Variants in CCNT2 observed in about 807,000 individuals in gnomAD.
The protein encoded by CCNT2 is cyclin T2, also known as cyclin-T2.
CCNT2 carries 18 observed loss-of-function variants against 70.0 expected under a neutral mutation model. That is an observed-to-expected ratio of 0.26 (90% CI 0.18 to 0.38). The LOEUF is 0.38. Ranked by LOEUF, CCNT2 falls within the 10% of genes least tolerant of loss-of-function variation. CCNT2 has a pLI of 1.00. For synonymous variants in CCNT2, 334 were observed against 313.3 expected (o/e 1.07, Z -0.70); for missense variants, 734 against 890.2 (o/e 0.82, Z 2.23).
chr2:134,931,274 T>TTTTTTTTTTTTTTTTTG (rs1680747808), intron 2 of CCNT2, among the ~76,000 whole-genome samples: 1 of 141,010 alleles, frequency 7.1e-6, no homozygotes, highest in Non-Finnish European at 1.5e-5. Context: ...TTTTTTTTTT[T>TTTTTTTTTTTTTTTTTG]TTTTTTTTTT....
At chr2:134,943,426 G>A (rs1159132473) in intron 5 of CCNT2, 2 of 984,920 alleles carry the variant, frequency 2.0e-6, no homozygotes, top group Non-Finnish European at 2.4e-6. Flanking sequence ...TTTTTGTGGG[G>A]GGAGTGTTTT....
intron 2 of CCNT2, among the ~76,000 whole-genome samples, chr2:134,925,507 T>C (rs966241260): frequency 3.9e-5 from 6 of 152,240 alleles, no homozygotes; most frequent in Admixed American, 3.9e-4. Flanking sequence ...ATTTCATTAA[T>C]GGAATCCTAC....
At position 134,954,378 on chromosome 2, in the gene CCNT2, A is replaced by C. The variant is rs1682775434; in HGVS notation, c.1923A>C (p.Ser641=). 1 of 1,614,212 alleles carries C rather than the reference A, an allele frequency of 6.2e-7. No homozygotes were observed. The highest frequency in any genetic ancestry group is 8.5e-7 in the Non-Finnish European group (1 of 1,180,024). The change falls in exon 9 of 9, where the codon TCA becomes TCC. Residue 641 remains serine (S), a synonymous_variant. Transcript: ENST00000264157. ...AAATGAGCAAAAGTTCCAAAAGTTC[A>C]GGTAGTTCATCTAGTTCTTCCTCCT... is the stretch of plus-strand genomic sequence containing the variant. ...HSKMSKSSKS[S]GSSSSSSSSV... is the part of the protein sequence containing the mutation.
intron 2 of CCNT2, among the ~76,000 whole-genome samples, chr2:134,926,809 G>C (rs1680333413): frequency 6.6e-6 from 1 of 152,158 alleles, no homozygotes; most frequent in Admixed American, 6.5e-5. Flanking sequence ...GCTATCCATG[G>C]GGTTTTGGTT....
At position 134,956,316 on chromosome 2, in the gene CCNT2, C is replaced by G. The variant is rs1006285341; in HGVS notation, c.*1668C>G. 1 of 152,492 alleles carries G rather than the reference C, an allele frequency of 6.6e-6. No homozygotes were observed. The highest frequency in any genetic ancestry group is 2.4e-5 in the African/African-American group (1 of 41,408). The allele number at this position is 152,492 out of a possible 1,614,324, so 9.4% of individuals were successfully genotyped here. ...TTTATAATTTTTAAAGATAATTGTT[C>G]ATTATTTTGTCAATGTTATTTGAAC... On this transcript the variant is annotated 3_prime_UTR_variant, in exon 9 of 9. Coordinates refer to ENST00000264157, the MANE Select transcript of CCNT2 (RefSeq NM_058241.3).
intron 8 of CCNT2, 77 bp from the exon 9 acceptor site, chr2:134,953,153 A>G: frequency 2.0e-6 from 2 of 990,356 alleles, no homozygotes; most frequent in East Asian, 2.6e-5. Flanking sequence ...TTTTTAATAT[A>G]TAACTTTTAT....
chr2:134,945,489 T>G, intron 5 of CCNT2: 1 of 985,444 alleles, frequency 1.0e-6, no homozygotes, highest in Non-Finnish European at 1.2e-6. Flanking sequence ...GTATCTTTCC[T>G]AAGTTAGTCT....
chr2:134,919,240 T>C (rs1679657007), intron 1 of CCNT2, among the ~76,000 whole-genome samples: 1 of 152,008 alleles, frequency 6.6e-6, no homozygotes, highest in Admixed American at 6.5e-5. Context: ...GTAATCTGTT[T>C]GGGGCAGCGC....
chr2:134,939,147 T>C (rs971241684), intron 4 of CCNT2, 85 bp downstream of exon 4: 4 of 965,968 alleles, frequency 4.1e-6, no homozygotes. Context: ...GAAATAATTG[T>C]ATTATTGAAG....
chr2:134,919,532 ATT>A, intron 1 of CCNT2, among the ~76,000 whole-genome samples: 1 of 152,006 alleles, frequency 6.6e-6, no homozygotes, highest in South Asian at 2.1e-4. Context: ...CAACTGTTTC[ATT>A]TTGAGTTTAG....
intron 3 of CCNT2, among the ~76,000 whole-genome samples, chr2:134,938,361 T>C (rs1468511269): frequency 6.6e-6 from 1 of 152,216 alleles, no homozygotes; most frequent in Non-Finnish European, 1.5e-5. Flanking sequence ...CTTTGGTCAA[T>C]TGTCATGATT....
At position 134,936,626 on chromosome 2, in the gene CCNT2, G is replaced by T. The variant is rs543556964; in HGVS notation, c.241-215G>T. On this transcript the variant is annotated intron_variant, in intron 2 of 8. Transcript: ENST00000264157. Reference sequence around the variant, plus strand: ...AAAATTAGCCAGTGTGGTGGTGCATGCCTGTAATCCCACCTTCTCAGGGAG... The same window carrying T: ...AAAATTAGCCAGTGTGGTGGTGCATTCCTGTAATCCCACCTTCTCAGGGAG... Among the ~76,000 whole-genome samples the T allele has an allele frequency of 6.6e-5, 10 of 152,058 alleles. No homozygotes were observed. The South Asian group carries it at 2.1e-3, about 32-fold the overall frequency.
intron 2 of CCNT2, among the ~76,000 whole-genome samples, chr2:134,921,870 G>A (rs1247986852): frequency 6.6e-6 from 1 of 152,102 alleles, no homozygotes; most frequent in Admixed American, 6.5e-5. Context: ...GTGTATGAAG[G>A]TAAACTTCAG....
At chr2:134,931,720 C>G (rs1298099502) in intron 2 of CCNT2, among the ~76,000 whole-genome samples, 1 of 152,080 alleles carries the variant, frequency 6.6e-6, no homozygotes, top group Non-Finnish European at 1.5e-5. Context: ...TATTTGAATT[C>G]CTGTGCAATG....
intron 5 of CCNT2, chr2:134,942,990 C>T: frequency 1.0e-6 from 1 of 985,266 alleles, no homozygotes; most frequent in Non-Finnish European, 1.2e-6. Flanking sequence ...GCCAATAGTG[C>T]ATAGGTTCAG....
chr2:134,949,166 G>A (rs769890526), intron 7 of CCNT2, among the ~76,000 whole-genome samples: 20 of 152,230 alleles, frequency 1.3e-4, no homozygotes, highest in Non-Finnish European at 1.9e-4. Flanking sequence ...GACCATAGGC[G>A]CATGCCACCA....
intron 4 of CCNT2, among the ~76,000 whole-genome samples, chr2:134,939,864 T>G (rs41410746): frequency 0.013 from 1,972 of 152,336 alleles, 39 homozygotes; most frequent in African/African-American, 0.044. Flanking sequence ...ACTGTCACCA[T>G]TCACCTTACT....
At position 134,942,673 on chromosome 2, in the gene CCNT2, A is replaced by T. The variant is rs1681661895; in HGVS notation, c.492A>T (p.Arg164Ser). 1.2e-6 allele frequency: 2 copies of T among 1,606,968 alleles called. No homozygotes were observed. Among genetic ancestry groups the T allele is most frequent in the East Asian group, 2.2e-5 (1 of 44,798 alleles). The stretch of plus-strand genomic sequence containing the variant: ...TGGTGAAATGTACCCAGTTAGTAAG[A>T]GGTAGGTGATCCTTGAAACTTTTAA... ...TDVVKCTQLV[R>S]ASKDLAQTSY... Residue 164 changes from arginine to serine, a missense_variant and splice_region_variant, in exon 5 of 9, where the codon AGA becomes AGT. Physicochemically the swap from Arg to Ser is moderately radical, Grantham distance 110. This residue lies in a region of CCNT2 where 161 missense variants were observed against 303.8 expected (regional missense o/e 0.53). Coordinates refer to ENST00000264157, the MANE Select transcript of CCNT2 (RefSeq NM_058241.3).
intron 3 of CCNT2, among the ~76,000 whole-genome samples, chr2:134,938,069 G>T (rs1042330359): frequency 6.6e-6 from 1 of 152,136 alleles, no homozygotes; most frequent in African/African-American, 2.4e-5. Context: ...TTATCATAAT[G>T]TTGGCTTTAA....
Sources: allele counts gnomAD v4.1 joint callset (sites outside exome capture counted in the v4.1 genomes callset), GRCh38; gene constraint gnomAD v4.1.1; regional missense constraint gnomAD v4.1.1; transcripts MANE v1.5; gene names NCBI Gene and HGNC (gene_info 2026-07-23, HGNC 2026-07-21).